Variants in FRMPD4 observed in about 807,000 individuals in gnomAD.
FRMPD4 encodes the protein FERM and PDZ domain-containing protein 4.
Under a neutral mutation model 94.1 loss-of-function variants are expected in FRMPD4, and 22 were observed. The ratio of observed to expected loss-of-function variants is 0.23; its 90% confidence interval spans 0.17 to 0.33. The LOEUF is 0.33. FRMPD4 is among the 10% of genes least tolerant of loss of function. The pLI is 1.00. For synonymous variants in FRMPD4, 631 were observed against 548.6 expected (o/e 1.15, Z -2.10); for missense variants, 1,111 against 1,339.9 (o/e 0.83, Z 2.67).
intron 1 of FRMPD4, among the ~76,000 whole-genome samples, chrX:12,180,181 A>G (rs2056342533): frequency 8.9e-6 from 1 of 112,166 alleles, no homozygotes; most frequent in Admixed American, 9.5e-5. Context: ...GTACATAATT[A>G]TATTTAATTT....
chrX:12,300,345 G>C (rs764014628), intron 1 of FRMPD4, among the ~76,000 whole-genome samples: 1 of 112,000 alleles, frequency 8.9e-6, no homozygotes, highest in Non-Finnish European at 1.9e-5. Flanking sequence ...TATGGCCTAT[G>C]AACAACCAGG....
At chrX:11,832,546 G>A (rs1569106260) in intron 1 of FRMPD4, among the ~76,000 whole-genome samples, 1 of 111,723 alleles carries the variant, frequency 9.0e-6, no homozygotes, top group Non-Finnish European at 1.9e-5. Context: ...ATCAAACAGA[G>A]CATAGAAATC....
rs201637360 is a variant in FRMPD4 at position 12,257,469 on chromosome X, T to C, written c.41+118457T>C. On this transcript the variant is annotated intron_variant, in intron 1 of 16. Transcript: ENST00000675598. ...ACAGTGTTATTTGATTATCTTGTCA[T>C]TTCCAGTTTCATAGAAGTCAGAATA... 4.5e-5 allele frequency among the ~76,000 whole-genome samples: 5 copies of C among 112,082 alleles called. No homozygotes were observed. In the East Asian group the frequency reaches 1.4e-3, roughly 31 times the overall value.
At chrX:12,216,680 T>A (rs905484833) in intron 1 of FRMPD4, among the ~76,000 whole-genome samples, 2 of 111,972 alleles carry the variant, frequency 1.8e-5, no homozygotes, top group African/African-American at 3.2e-5. Flanking sequence ...CTAAAAAAAA[T>A]TTCTGCCATG....
chrX:12,245,726 G>GT lies in FRMPD4; in HGVS notation c.41+106714_41+106715insT, dbSNP rs780556470. The stretch of plus-strand genomic sequence containing the variant: ...TATCATGGGTGTGGCTAGTTATCAT[G>GT]GGAGTGGGTTATCTTAGGAGTGGGA... On this transcript the variant is annotated intron_variant, in intron 1 of 16. Coordinates refer to ENST00000675598, the MANE Select transcript of FRMPD4 (RefSeq NM_001368397.1). 4.7e-4 allele frequency among the ~76,000 whole-genome samples: 51 copies of GT among 109,463 alleles called. No individual in the cohort carries two copies. The South Asian group carries it at 5.7e-3, about 12-fold the overall frequency.
intron 1 of FRMPD4, among the ~76,000 whole-genome samples, chrX:12,290,067 C>T (rs1447791306): frequency 9.0e-6 from 1 of 111,643 alleles, no homozygotes; most frequent in Non-Finnish European, 1.9e-5. Flanking sequence ...GGTTCTGCTC[C>T]CACATAGTAG....
At chrX:12,505,249 C>T (rs1449379320) in intron 2 of FRMPD4, among the ~76,000 whole-genome samples, 1 of 111,772 alleles carries the variant, frequency 8.9e-6, no homozygotes, top group Non-Finnish European at 1.9e-5. Flanking sequence ...ATTGAGCCAA[C>T]CCTTGCAGAG....
At chrX:11,895,315 T>A (rs1477428453) in intron 3 of FRMPD4, among the ~76,000 whole-genome samples, 1 of 111,564 alleles carries the variant, frequency 9.0e-6, no homozygotes, top group Non-Finnish European at 1.9e-5. Context: ...AAATATGCCC[T>A]GAGGGACAAA....
In FRMPD4 at chrX:12,386,029, T is replaced by C. The variant is rs141862501; in HGVS notation, c.42-112651T>C. ...TTCAGGTGAGCTTTGAGATTACCCA[T>C]CTCTTGCTTCTCTTCATTGAACTTG... On this transcript the variant is annotated intron_variant, in intron 1 of 16. Coordinates refer to ENST00000675598, the MANE Select transcript of FRMPD4 (RefSeq NM_001368397.1). Among the ~76,000 whole-genome samples, 800 of 112,474 alleles carry C rather than the reference T, an allele frequency of 7.1e-3. 7 individuals are homozygous for C. The highest frequency in any genetic ancestry group is 0.023 in the Middle Eastern group (5 of 218).
intron 3 of FRMPD4, among the ~76,000 whole-genome samples, chrX:11,894,650 A>G (rs2053892897): frequency 8.9e-6 from 1 of 112,077 alleles, no homozygotes; most frequent in African/African-American, 3.2e-5. Flanking sequence ...GCATAAAAAA[A>G]ATTCAGGAAT....
intron 1 of FRMPD4, among the ~76,000 whole-genome samples, chrX:12,283,225 A>G (rs2054551829): frequency 8.8e-6 from 1 of 113,162 alleles, no homozygotes; most frequent in South Asian, 3.6e-4. Context: ...TGAGGACCGA[A>G]TGTTTAGGGT....
At chrX:11,845,647 C>T (rs1280746353) in intron 1 of FRMPD4, among the ~76,000 whole-genome samples, 5 of 109,481 alleles carry the variant, frequency 4.6e-5, no homozygotes, top group African/African-American at 1.3e-4. Flanking sequence ...ACTGGCAAAC[C>T]GAATCCAGCA....
rs775393310 is a variant in FRMPD4, at chrX:12,005,586, T to C, written c.95+127568T>C. ...GCAGAACCATTCTGTAGAATTTTAT[T>C]GTCCTAGTTTTTACCCCGATGAATC... On this transcript the variant is annotated intron_variant, in intron 3 of 18. Transcript: ENST00000640291. Among the ~76,000 whole-genome samples the C allele has an allele frequency of 4.6e-5, 5 of 109,095 alleles. No individual in the cohort carries two copies. The Admixed American group carries it at 5.0e-4, about 11-fold the overall frequency. The allele number at this position is 109,095 out of a possible 115,157, so 94.7% of individuals were successfully genotyped here.
At chrX:12,222,941 G>A (rs2056885199) in intron 1 of FRMPD4, among the ~76,000 whole-genome samples, 1 of 112,043 alleles carries the variant, frequency 8.9e-6, no homozygotes, top group South Asian at 3.7e-4. Flanking sequence ...TATCAATAAA[G>A]TTGTTATGTA....
chrX:12,479,077 T>G (rs1294908489), intron 1 of FRMPD4, among the ~76,000 whole-genome samples: 1 of 111,214 alleles, frequency 9.0e-6, no homozygotes. Flanking sequence ...AGTTGCAGAA[T>G]TCTCCAAGGA....
chrX:12,645,536 G>A (rs1196365786), intron 4 of FRMPD4, among the ~76,000 whole-genome samples: 2 of 108,762 alleles, frequency 1.8e-5, no homozygotes, highest in African/African-American at 6.7e-5. Context: ...TGTATTTTTA[G>A]TAGAGACAGG....
At chrX:11,862,961 T>TTG (rs2053695946) in intron 1 of FRMPD4, among the ~76,000 whole-genome samples, 2 of 22,028 alleles carry the variant, frequency 9.1e-5, no homozygotes, top group Non-Finnish European at 1.9e-4. Flanking sequence ...GGGAACTTGG[T>TTG]TTTTTTTTTT....
chrX:12,318,820 A>T (rs2055164097), intron 1 of FRMPD4, among the ~76,000 whole-genome samples: 1 of 111,437 alleles, frequency 9.0e-6, no homozygotes, highest in Non-Finnish European at 1.9e-5. Flanking sequence ...GCAGGCAAAA[A>T]ATATTTTAAT....
At chrX:11,949,158 A>G (rs1196700034) in intron 3 of FRMPD4, among the ~76,000 whole-genome samples, 1 of 111,939 alleles carries the variant, frequency 8.9e-6, no homozygotes, top group African/African-American at 3.2e-5. Context: ...AGGCTGTTAC[A>G]TGGATTCCAT....
Sources: allele counts gnomAD v4.1 joint callset (sites outside exome capture counted in the v4.1 genomes callset), GRCh38; gene constraint gnomAD v4.1.1; transcripts MANE v1.5; gene names NCBI Gene and HGNC (gene_info 2026-07-23, HGNC 2026-07-21).